KHDRBS2: variants seen among roughly 807,000 people sequenced by gnomAD.
KHDRBS2 encodes KH domain-containing, RNA-binding, signal transduction-associated protein 2.
KHDRBS2 carries 26 observed loss-of-function variants against 44.3 expected under a neutral mutation model. The observed-to-expected ratio is 0.59, with a 90% CI of 0.43 to 0.81. The LOEUF (loss-of-function observed/expected upper bound fraction) is 0.81. Ranked by LOEUF, KHDRBS2 falls within the 40% of genes least tolerant of loss-of-function variation. The pLI, the probability that KHDRBS2 is intolerant of heterozygous loss-of-function variation, is 0.00. For missense variants in KHDRBS2, 476 were observed against 433.1 expected (o/e 1.10, Z -0.88); for synonymous variants, 194 against 151.1 (o/e 1.28, Z -2.08).
At chr6:61,923,069 T>C (rs73489413) in intron 4 of KHDRBS2, among the ~76,000 whole-genome samples, 1,574 of 152,144 alleles carry the variant, frequency 0.01, 28 homozygotes, top group African/African-American at 0.036. Context: ...TAAGTAGACA[T>C]TGATGACAAA....
the KHDRBS2 span, among the ~76,000 whole-genome samples, chr6:61,562,147 A>C: frequency 6.6e-6 from 1 of 152,208 alleles, no homozygotes; most frequent in African/African-American, 2.4e-5. Context: ...GTAGGGCAAA[A>C]ATATCATAAA....
chr6:61,914,886 G>T (rs1421980113), intron 4 of KHDRBS2, among the ~76,000 whole-genome samples: 1 of 152,118 alleles, frequency 6.6e-6, no homozygotes, highest in African/African-American at 2.4e-5. Flanking sequence ...CAAAAACAGA[G>T]TTGAGAACTT....
the KHDRBS2 span, among the ~76,000 whole-genome samples, chr6:61,597,139 G>C: frequency 6.6e-6 from 1 of 152,166 alleles, no homozygotes; most frequent in East Asian, 1.9e-4. Flanking sequence ...TTATGTAAAC[G>C]TTTAAGTCAA....
rs73487217 is a variant in KHDRBS2 at position 62,038,926 on chromosome 6, T to C, written c.336+8952A>G. On this transcript the variant is annotated intron_variant, in intron 3 of 8. Transcript: ENST00000281156. ...CAGGGTTTGACATTAAAATTACCCA[T>C]TAATTAATAATGTATTGTATGTTAC... is the stretch of plus-strand genomic sequence containing the variant. Among the ~76,000 whole-genome samples the C allele has an allele frequency of 8.2e-3, 1,244 of 152,178 alleles. 16 individuals carry two copies. The highest frequency in any genetic ancestry group is 0.029 in the African/African-American group (1,204 of 41,550).
chr6:61,772,628 CTTTTA>C (rs546857899), intron 6 of KHDRBS2, among the ~76,000 whole-genome samples: 27 of 151,334 alleles, frequency 1.8e-4, no homozygotes, highest in East Asian at 5.8e-4. Flanking sequence ...AGTTGATTCT[CTTTTA>C]TTTTATTTTA....
At chr6:62,147,814 T>C (rs1814267000) in intron 2 of KHDRBS2, among the ~76,000 whole-genome samples, 1 of 151,974 alleles carries the variant, frequency 6.6e-6, no homozygotes, top group Admixed American at 6.6e-5. Flanking sequence ...TTTGCTCTTC[T>C]CTATACCTGG....
At position 61,779,522 on chromosome 6, in the gene KHDRBS2, T is replaced by C. The variant is rs905977062; in HGVS notation, c.811-46758A>G. On this transcript the variant is annotated intron_variant, in intron 6 of 8. Transcript: ENST00000281156. ...CTGTAGAATATAGTGGCAAATAATA[T>C]ACTTTCCTTAAATGGATTAAATTGG... Among the ~76,000 whole-genome samples, 46 of 152,274 alleles carry C rather than the reference T, an allele frequency of 3.0e-4. 1 individual carries two copies. Among genetic ancestry groups the C allele is most frequent in the African/African-American group, 1.0e-3 (43 of 41,582 alleles).
chr6:61,779,052 C>A (rs1445891582), intron 6 of KHDRBS2, among the ~76,000 whole-genome samples: 1 of 152,104 alleles, frequency 6.6e-6, no homozygotes, highest in Admixed American at 6.6e-5. Flanking sequence ...GAACTGGGGG[C>A]ATTTAGTTTA....
intron 3 of KHDRBS2, among the ~76,000 whole-genome samples, chr6:62,031,269 A>C (rs186270727): frequency 5.5e-4 from 83 of 152,184 alleles, no homozygotes; most frequent in African/African-American, 1.9e-3. Context: ...ACACAATGTC[A>C]AGAAAATTGG....
chr6:61,819,556 T>G (rs1369442352), intron 6 of KHDRBS2, among the ~76,000 whole-genome samples: 2 of 152,004 alleles, frequency 1.3e-5, no homozygotes, highest in African/African-American at 4.8e-5. Flanking sequence ...TTTTATTGAT[T>G]AGTAACTGAG....
intron 7 of KHDRBS2, among the ~76,000 whole-genome samples, chr6:61,728,914 T>C (rs1774002310): frequency 6.6e-6 from 1 of 152,162 alleles, no homozygotes; most frequent in African/African-American, 2.4e-5. Context: ...TGGAAGACAA[T>C]GTAATGATTC....
intron 4 of KHDRBS2, among the ~76,000 whole-genome samples, chr6:61,932,497 C>T (rs1810248951): frequency 1.3e-5 from 2 of 152,074 alleles, no homozygotes; most frequent in African/African-American, 4.8e-5. Context: ...TTTTAGATTC[C>T]ACGTAAGAGT....
At chr6:61,997,020 A>G (rs1777327730) in intron 3 of KHDRBS2, among the ~76,000 whole-genome samples, 2 of 152,122 alleles carry the variant, frequency 1.3e-5, no homozygotes, top group South Asian at 2.1e-4. Flanking sequence ...TGACCTCGTG[A>G]TCCGCCCACC....
intron 2 of KHDRBS2, among the ~76,000 whole-genome samples, chr6:62,146,817 G>A (rs571213429): frequency 6.6e-6 from 1 of 151,676 alleles, no homozygotes; most frequent in South Asian, 2.1e-4. Flanking sequence ...TACATCTATG[G>A]CAAGGCTAAC....
At chr6:61,825,398 T>C (rs1583029850) in intron 6 of KHDRBS2, among the ~76,000 whole-genome samples, 1 of 152,298 alleles carries the variant, frequency 6.6e-6, no homozygotes, top group East Asian at 1.9e-4. Context: ...CTGCATCTAA[T>C]CATGCTTAAT....
At chr6:61,683,761 T>C (rs1246869055) in intron 8 of KHDRBS2, among the ~76,000 whole-genome samples, 2 of 151,896 alleles carry the variant, frequency 1.3e-5, no homozygotes, top group Non-Finnish European at 2.9e-5. Context: ...CACAAATATG[T>C]GCTCTTTTAT....
intron 1 of KHDRBS2, among the ~76,000 whole-genome samples, chr6:62,271,800 T>C (rs1206603921): frequency 2.0e-5 from 3 of 152,204 alleles, no homozygotes; most frequent in African/African-American, 7.2e-5. Context: ...AAGATATTGT[T>C]TAGCTAATTG....
chr6:61,720,041 T>C (rs1345559923), intron 7 of KHDRBS2, among the ~76,000 whole-genome samples: 2 of 152,106 alleles, frequency 1.3e-5, no homozygotes, highest in Admixed American at 6.5e-5. Context: ...TGGTTTTTTG[T>C]TCTTGCGATA....
chr6:61,559,451 C>T, the KHDRBS2 span, among the ~76,000 whole-genome samples: 1 of 151,846 alleles, frequency 6.6e-6, no homozygotes, highest in Admixed American at 6.6e-5. Flanking sequence ...CCTACACCTA[C>T]AATTTTGTCA....
Sources: gnomAD v4.1 joint callset for allele counts (sites outside exome capture counted in the v4.1 genomes callset) on GRCh38, gnomAD v4.1.1 for gene constraint, MANE v1.5 for transcripts, NCBI Gene and HGNC (gene_info 2026-07-23, HGNC 2026-07-21) for gene names.